Variants in ASTN2 observed in about 807,000 individuals in gnomAD.
The protein encoded by ASTN2 is astrotactin 2.
Under a neutral mutation model 139.8 loss-of-function variants are expected in ASTN2, and 54 were observed. The observed-to-expected ratio is 0.39, with a 90% confidence interval of 0.31 to 0.48. The LOEUF (loss-of-function observed/expected upper bound fraction) is 0.48, where lower values mean the gene tolerates loss of function less well. Ranked by LOEUF, ASTN2 falls within the 20% of genes least tolerant of loss-of-function variation. The probability of loss-of-function intolerance (pLI) is 0.95; values close to 1 mark genes in which losing one functional copy is unlikely to be tolerated. For synonymous variants in ASTN2, 756 were observed against 719.5 expected (o/e 1.05, Z -0.81); for missense variants, 1,565 against 1,725.1 (o/e 0.91, Z 1.64).
At chr9:117,406,313 A>G (rs995013821) in intron 1 of ASTN2, among the ~76,000 whole-genome samples, 2 of 152,214 alleles carry the variant, frequency 1.3e-5, no homozygotes, top group Admixed American at 1.3e-4. Flanking sequence ...TTGGTCCTGT[A>G]CAGAGCAGCG....
intron 10 of ASTN2, among the ~76,000 whole-genome samples, chr9:116,921,822 A>G (rs891456386): frequency 2.6e-5 from 4 of 152,154 alleles, no homozygotes; most frequent in Non-Finnish European, 5.9e-5. Context: ...TTATGAGAAC[A>G]GTATGGGGGA....
At chr9:116,908,409 A>T (rs1588402387) in intron 10 of ASTN2, among the ~76,000 whole-genome samples, 1 of 39,520 alleles carries the variant, frequency 2.5e-5, no homozygotes, top group African/African-American at 6.0e-5. Context: ...AATGATTTAT[A>T]AATTCTTAGT....
chr9:116,832,134 G>A (rs1034109345), intron 11 of ASTN2, among the ~76,000 whole-genome samples: 7 of 151,960 alleles, frequency 4.6e-5, no homozygotes, highest in African/African-American at 1.4e-4. Flanking sequence ...TATTTCAAAT[G>A]TTCACATGTT....
intron 12 of ASTN2, among the ~76,000 whole-genome samples, chr9:116,817,293 CAAA>C (rs35720333): frequency 8.1e-6 from 1 of 123,420 alleles, no homozygotes. Flanking sequence ...GACTCCATCT[CAAA>C]AAAAAAAAAA....
At chr9:116,811,388 T>C (rs1588312634) in intron 12 of ASTN2, among the ~76,000 whole-genome samples, 2 of 152,346 alleles carry the variant, frequency 1.3e-5, no homozygotes, top group South Asian at 4.1e-4. Flanking sequence ...TTTTTCCATA[T>C]CCAAGTGTCA....
At chr9:117,241,389 G>A (rs1380376448) in intron 2 of ASTN2, among the ~76,000 whole-genome samples, 6 of 152,154 alleles carry the variant, frequency 3.9e-5, no homozygotes, top group African/African-American at 1.4e-4. Flanking sequence ...TCTGAAGTAG[G>A]AGGCCTAAAC....
intron 1 of ASTN2, among the ~76,000 whole-genome samples, chr9:117,294,967 T>C (rs1834692251): frequency 6.6e-6 from 1 of 152,174 alleles, no homozygotes; most frequent in Non-Finnish European, 1.5e-5. Context: ...GTGGTCCTCT[T>C]CACACACATC....
intron 19 of ASTN2, among the ~76,000 whole-genome samples, chr9:116,517,900 A>G (rs1180130686): frequency 6.6e-6 from 1 of 152,210 alleles, no homozygotes. Context: ...CAAGTGGAAG[A>G]AAGAACTTCA....
rs565463378 is a variant in ASTN2, at chr9:116,537,227, C to T, written c.3356-49727G>A. On this transcript the variant is annotated intron_variant, in intron 19 of 22. Coordinates refer to ENST00000313400, the MANE Select transcript of ASTN2 (RefSeq NM_001365068.1). ...TGCAGAAATTACCCATCTTCTGTGT[C>T]GCTCACACTGGGAGCTGTAGACTGG... Among the ~76,000 whole-genome samples the T allele has an allele frequency of 9.2e-5, 14 of 152,318 alleles. No individual in the cohort carries two copies. The East Asian group carries it at 1.9e-3, about 21-fold the overall frequency.
intron 19 of ASTN2, among the ~76,000 whole-genome samples, chr9:116,609,698 T>C (rs1855430820): frequency 6.6e-6 from 1 of 151,838 alleles, no homozygotes; most frequent in African/African-American, 2.4e-5. Flanking sequence ...GGTAAATATA[T>C]AAAATCATTT....
At chr9:117,382,761 G>A (rs1046262514) in intron 1 of ASTN2, among the ~76,000 whole-genome samples, 1 of 152,172 alleles carries the variant, frequency 6.6e-6, no homozygotes. Flanking sequence ...CACAGAGAGA[G>A]GCAGTGGTGG....
chr9:116,607,301 A>C (rs1261202467), intron 19 of ASTN2, among the ~76,000 whole-genome samples: 4 of 152,136 alleles, frequency 2.6e-5, no homozygotes, highest in Admixed American at 2.6e-4. Context: ...ACATATAAGG[A>C]TACAAGATTC....
chr9:116,908,765 G>A (rs895353605), intron 10 of ASTN2, among the ~76,000 whole-genome samples: 4 of 152,210 alleles, frequency 2.6e-5, no homozygotes, highest in African/African-American at 4.8e-5. Flanking sequence ...TGCATATCAT[G>A]TGCCTATACC....
intron 4 of ASTN2, among the ~76,000 whole-genome samples, chr9:117,136,349 T>C (rs1278858651): frequency 1.3e-5 from 2 of 152,122 alleles, no homozygotes; most frequent in Non-Finnish European, 2.9e-5. Context: ...AACTGAAAAA[T>C]ACTATAACTT....
intron 6 of ASTN2, among the ~76,000 whole-genome samples, chr9:117,012,490 G>T (rs1240308854): frequency 3.3e-5 from 5 of 152,194 alleles, no homozygotes; most frequent in Admixed American, 1.3e-4. Flanking sequence ...TAGAGACTAA[G>T]AAATGGGCTT....
At chr9:116,766,993 G>A (rs1214840859) in intron 13 of ASTN2, among the ~76,000 whole-genome samples, 3 of 149,872 alleles carry the variant, frequency 2.0e-5, no homozygotes, top group Admixed American at 1.3e-4. Context: ...CAGATTGATA[G>A]TCACACAAAC....
At chr9:117,361,646 T>C (rs971570099) in intron 1 of ASTN2, among the ~76,000 whole-genome samples, 8 of 152,080 alleles carry the variant, frequency 5.3e-5, no homozygotes, top group Non-Finnish European at 8.8e-5. Flanking sequence ...GCCAGATATC[T>C]CCCATGGGGC....
rs1832951194 is a variant in ASTN2, at chr9:116,863,672, G to T, written c.1951C>A (p.Pro651Thr). The T allele has an allele frequency of 1.2e-6, 2 of 1,614,064 alleles. No individual in the cohort carries two copies. Among genetic ancestry groups the T allele is most frequent in the African/African-American group, 1.3e-5 (1 of 74,934 alleles). The change falls in exon 11 of 23, where the codon CCA becomes ACA. Residue 651 changes from proline (P) to threonine (T), a missense_variant. By Grantham distance (38) the Pro-to-Thr change is conservative (BLOSUM62 -1). Coordinates refer to ENST00000313400, the MANE Select transcript of ASTN2 (RefSeq NM_001365068.1). ...TINDLLSSFG[P>T]VRDCSRNNGG... is the part of the protein sequence containing the mutation. Reference sequence around the variant, plus strand: ...TTGTTCCGAGAGCAGTCACGAACTGGCCCGAAGGAAGACAGCAGGTCATTG... The same window carrying T: ...TTGTTCCGAGAGCAGTCACGAACTGTCCCGAAGGAAGACAGCAGGTCATTG...
intron 13 of ASTN2, among the ~76,000 whole-genome samples, chr9:116,788,269 T>C (rs1344252647): frequency 6.6e-6 from 1 of 152,188 alleles, no homozygotes; most frequent in Non-Finnish European, 1.5e-5. Context: ...TTGCTCAGTG[T>C]GGTGACCATC....
Sources: allele counts gnomAD v4.1 joint callset (sites outside exome capture counted in the v4.1 genomes callset), GRCh38; gene constraint gnomAD v4.1.1; transcripts MANE v1.5; gene names NCBI Gene and HGNC (gene_info 2026-07-23, HGNC 2026-07-21).